Variants in SEMA7A observed in about 807,000 individuals in gnomAD.
SEMA7A encodes the protein semaphorin-7A.
A neutral mutation model predicts 67.5 loss-of-function variants in SEMA7A; 21 were observed. That is an observed-to-expected ratio of 0.31 (90% CI 0.22 to 0.45). SEMA7A has a LOEUF of 0.45. SEMA7A is among the 20% of genes least tolerant of loss of function. The pLI, the probability that SEMA7A is intolerant of heterozygous loss-of-function variation, is 1.00. For missense variants in SEMA7A, 774 were observed against 908.6 expected (o/e 0.85, Z 1.90); for synonymous variants, 364 against 368.5 (o/e 0.99, Z 0.14).
intron 1 of SEMA7A, among the ~76,000 whole-genome samples, chr15:74,425,204 C>G (rs558762118): frequency 6.6e-6 from 1 of 152,176 alleles, no homozygotes; most frequent in African/African-American, 2.4e-5. Context: ...ATGATGATGC[C>G]CCTACCACCC....
intron 1 of SEMA7A, among the ~76,000 whole-genome samples, chr15:74,426,047 CA>C (rs2141288158): frequency 6.6e-6 from 1 of 152,258 alleles, no homozygotes; most frequent in Admixed American, 6.5e-5. Context: ...CTGAGGTGGG[CA>C]GATCATTTGA....
Position 74,412,024 on chromosome 15 carries a change from G to A in SEMA7A, c.1295-12C>T. 6.2e-7 allele frequency: 1 copy of A among 1,613,548 alleles called. No individual in the cohort carries two copies. The highest frequency in any genetic ancestry group is 1.1e-5 in the South Asian group (1 of 91,052). Reference sequence around the variant, plus strand: ...GATAGTGCCCCTGTCTGTGTATGGTGGACAGAGGGTCAGTGGGCGGGAGTC... The same window carrying A: ...GATAGTGCCCCTGTCTGTGTATGGTAGACAGAGGGTCAGTGGGCGGGAGTC... On this transcript the variant is annotated splice_polypyrimidine_tract_variant and intron_variant, in intron 10 of 13. Coordinates refer to ENST00000261918, the MANE Select transcript of SEMA7A (RefSeq NM_003612.5).
chr15:74,429,929 C>T (rs2061073428), intron 1 of SEMA7A, among the ~76,000 whole-genome samples: 1 of 152,122 alleles, frequency 6.6e-6, no homozygotes, highest in African/African-American at 2.4e-5. Flanking sequence ...CTCCCTCTTC[C>T]AGGAAGCCCT....
chr15:74,419,384 C>A (rs2060980261), intron 1 of SEMA7A, among the ~76,000 whole-genome samples: 1 of 152,126 alleles, frequency 6.6e-6, no homozygotes, highest in Non-Finnish European at 1.5e-5. Context: ...GCAGCGCCCC[C>A]CAACCCCGGG....
intron 1 of SEMA7A, among the ~76,000 whole-genome samples, chr15:74,421,769 T>A (rs921964677): frequency 6.6e-6 from 1 of 152,078 alleles, no homozygotes; most frequent in Non-Finnish European, 1.5e-5. Context: ...GGCTGGGGGC[T>A]AAGGGGCAGG....
chr15:74,430,050 A>C (rs2061074723), intron 1 of SEMA7A, among the ~76,000 whole-genome samples: 1 of 152,128 alleles, frequency 6.6e-6, no homozygotes, highest in Non-Finnish European at 1.5e-5. Flanking sequence ...TACACTGAGA[A>C]GTCTACAAGG....
Position 74,414,522 on chromosome 15 carries a change from T to C in SEMA7A, c.1294+25A>G, listed in dbSNP as rs762134283. Reference sequence around the variant, plus strand: ...TCATGCCCGTTTTTACAAAGCAAACTGAGGGTCCCGGGGTAGCCTCTCACC... The same window carrying C: ...TCATGCCCGTTTTTACAAAGCAAACCGAGGGTCCCGGGGTAGCCTCTCACC... On this transcript the variant is annotated intron_variant, in intron 10 of 13. Coordinates refer to ENST00000261918, the MANE Select transcript of SEMA7A (RefSeq NM_003612.5). The surrounding 1 kb of genome is among the most constrained non-coding windows in gnomAD (Gnocchi z 4.1). 1.2e-6 allele frequency: 2 copies of C among 1,608,722 alleles called. No homozygotes were observed. The highest frequency in any genetic ancestry group is 1.7e-6 in the Non-Finnish European group (2 of 1,175,484).
intron 6 of SEMA7A, 32 bp from the exon 7 acceptor site, chr15:74,416,746 C>G (rs775229274): frequency 6.2e-7 from 1 of 1,607,588 alleles, no homozygotes; most frequent in Non-Finnish European, 8.5e-7. Context: ...GGGCGTAAGG[C>G]TGGGAAGCTT....
At chr15:74,422,222 G>T (rs2061006120) in intron 1 of SEMA7A, among the ~76,000 whole-genome samples, 1 of 152,014 alleles carries the variant, frequency 6.6e-6, no homozygotes, top group Non-Finnish European at 1.5e-5. Context: ...GGCCAGGAGT[G>T]GAAAATGCCT....
At chr15:74,427,128 C>T in intron 1 of SEMA7A, 1 of 751,392 alleles carries the variant, frequency 1.3e-6, no homozygotes, top group Non-Finnish European at 1.6e-6. Flanking sequence ...TTCCAGACTG[C>T]TCCAGCCCTC....
In SEMA7A at chr15:74,411,870, T is replaced by C. The variant is rs1465147527; in HGVS notation, c.1422+15A>G. 1 of 1,613,402 alleles carries C rather than the reference T, an allele frequency of 6.2e-7. No individual in the cohort carries two copies. The highest frequency in any genetic ancestry group is 8.5e-7 in the Non-Finnish European group (1 of 1,179,914). On this transcript the variant is annotated intron_variant, in intron 11 of 13. Coordinates refer to ENST00000261918, the MANE Select transcript of SEMA7A (RefSeq NM_003612.5). The surrounding 1 kb of genome is among the most constrained non-coding windows in gnomAD (Gnocchi z 4.4). Reference sequence around the variant, plus strand: ...TCACTGCATAGCCCATGGGACGCAGTGGGGGAAGGCTCACCCGCTCAGCAT... The same window carrying C: ...TCACTGCATAGCCCATGGGACGCAGCGGGGGAAGGCTCACCCGCTCAGCAT...
intron 1 of SEMA7A, among the ~76,000 whole-genome samples, chr15:74,424,379 ACTCT>A (rs1437504378): frequency 6.6e-6 from 1 of 151,766 alleles, no homozygotes; most frequent in Non-Finnish European, 1.5e-5. Context: ...GGAAAGTGTG[ACTCT>A]CTGAGTGCCA....
At chr15:74,428,528 G>T (rs2061060718) in intron 1 of SEMA7A, among the ~76,000 whole-genome samples, 1 of 152,222 alleles carries the variant, frequency 6.6e-6, no homozygotes, top group Non-Finnish European at 1.5e-5. Context: ...TGTGGGTTGG[G>T]GTCATCCAAG....
rs759299074 is a variant in SEMA7A, at chr15:74,418,877, G to A, written c.254C>T (p.Ser85Phe). Residue 85 changes from serine to phenylalanine, a missense_variant, in exon 2 of 14, where the codon TCC (serine) becomes TTC (phenylalanine). Ser to Phe is a radical substitution (Grantham distance 155, BLOSUM62 -2). Coordinates refer to ENST00000261918, the MANE Select transcript of SEMA7A (RefSeq NM_003612.5). Reference sequence around the variant, plus strand: ...GCCACGTCCTCCCACCCACACAGAGGAGCTGCCTGGCTCGTGGAAAAGCAC... The same window carrying A: ...GCCACGTCCTCCCACCCACACAGAGAAGCTGCCTGGCTCGTGGAAAAGCAC... Reference protein sequence around the residue: ...HTVLFHEPGSSSVWVGGRGKV... With the variant: ...HTVLFHEPGSFSVWVGGRGKV... The A allele has an allele frequency of 3.6e-5, 58 of 1,613,778 alleles. No individual in the cohort carries two copies. The highest frequency in any genetic ancestry group is 4.7e-5 in the Non-Finnish European group (56 of 1,180,038).
At chr15:74,420,655 C>G (rs992734573) in intron 1 of SEMA7A, among the ~76,000 whole-genome samples, 1 of 152,172 alleles carries the variant, frequency 6.6e-6, no homozygotes, top group African/African-American at 2.4e-5. Flanking sequence ...CCTGCTCCCC[C>G]TCCCTTCCTG....
intron 8 of SEMA7A, 145 bp downstream of exon 8, chr15:74,415,656 C>T: frequency 2.5e-6 from 2 of 784,390 alleles, no homozygotes; most frequent in Admixed American, 5.7e-5. Context: ...TCCCCCCACC[C>T]CACACCCAGC....
intron 1 of SEMA7A, among the ~76,000 whole-genome samples, chr15:74,419,785 C>A (rs2060984580): frequency 6.6e-6 from 1 of 152,212 alleles, no homozygotes; most frequent in Non-Finnish European, 1.5e-5. Context: ...AACTCTGGGA[C>A]AGGGGAACCT....
chr15:74,422,551 T>C (rs191675451), intron 1 of SEMA7A, among the ~76,000 whole-genome samples: 5 of 152,226 alleles, frequency 3.3e-5, no homozygotes, highest in South Asian at 2.1e-4. Context: ...CCGGACTCCA[T>C]AGTTCCCCTG....
Position 74,410,755 on chromosome 15 carries a change from C to A in SEMA7A, c.1870G>T (p.Ala624Ser). 2 of 1,614,120 alleles carry A rather than the reference C, an allele frequency of 1.2e-6. No homozygotes were observed. The highest frequency in any genetic ancestry group is 1.7e-6 in the Non-Finnish European group (2 of 1,180,044). ...TCGGGCAGCAGCTGCCAGTGCTGAG[C>A]CTCGCGGAAGTAGGAGCCCTCCTGG... Reference protein sequence around the residue: ...EAQEGSYFREAQHWQLLPEDG... With the variant: ...EAQEGSYFRESQHWQLLPEDG... The change falls in exon 14 of 14, where the codon GCT becomes TCT. Residue 624 changes from alanine (A) to serine (S), a missense_variant. Ala to Ser is a moderately conservative substitution (Grantham distance 99). Transcript: ENST00000261918. This position sits in a 1 kb window ranked among gnomAD's most constrained non-coding sequence, Gnocchi z 7.5.
Sources: allele counts gnomAD v4.1 joint callset (sites outside exome capture counted in the v4.1 genomes callset), GRCh38; gene constraint gnomAD v4.1.1; non-coding constraint Gnocchi (gnomAD v3.1); transcripts MANE v1.5; gene names NCBI Gene and HGNC (gene_info 2026-07-23, HGNC 2026-07-21).